PPP2R2C: variants seen among roughly 807,000 people sequenced by gnomAD.
PPP2R2C encodes the protein protein phosphatase 2 regulatory subunit Bgamma, also known as protein phosphatase 2, regulatory subunit B, gamma.
In PPP2R2C, 10 loss-of-function variants were observed where a neutral mutation model predicts 45.3. The ratio of observed to expected loss-of-function variants is 0.22; its 90% CI spans 0.14 to 0.37. The LOEUF (loss-of-function observed/expected upper bound fraction) is 0.37. Among genes scored for constraint, PPP2R2C ranks in the 10% least tolerant of loss-of-function variants. The pLI is 1.00. For missense variants in PPP2R2C, 308 were observed against 619.7 expected (o/e 0.50, Z 5.34); for synonymous variants, 257 against 245.4 (o/e 1.05, Z -0.44).
upstream of PPP2R2C, among the ~76,000 whole-genome samples, chr4:6,473,838 T>C (rs1248377717): frequency 6.6e-6 from 1 of 152,168 alleles, no homozygotes; most frequent in Admixed American, 6.5e-5. Context: ...AAGCTACAGC[T>C]TTCGTGCCTT....
intron 1 of PPP2R2C, among the ~76,000 whole-genome samples, chr4:6,540,286 A>G (rs1179115403): frequency 6.6e-6 from 1 of 152,194 alleles, no homozygotes; most frequent in Non-Finnish European, 1.5e-5. Context: ...TCTGATTATG[A>G]ACATCTCCTA....
At chr4:6,358,535 A>G (rs868321552) in intron 5 of PPP2R2C, among the ~76,000 whole-genome samples, 334 of 147,630 alleles carry the variant, frequency 2.3e-3, no homozygotes, top group African/African-American at 7.6e-3. Flanking sequence ...AAAAAAAAAA[A>G]TGGCCATCAG....
intron 1 of PPP2R2C, among the ~76,000 whole-genome samples, chr4:6,550,069 G>A (rs1725132938): frequency 6.6e-6 from 1 of 152,082 alleles, no homozygotes; most frequent in African/African-American, 2.4e-5. Context: ...CGGGGTAGGG[G>A]GACAGCCAAT....
In PPP2R2C at chr4:6,323,050, A is replaced by C; in HGVS notation, c.*252T>G. On this transcript the variant is annotated 3_prime_UTR_variant, in exon 9 of 9. Coordinates refer to ENST00000382599, the MANE Select transcript of PPP2R2C (RefSeq NM_020416.4). ...AAGACTCCACAGTCATGTCCATTTT[A>C]TGATTTGTGGCGGTGAACGCTTCCT... 1 of 416,214 alleles carries C rather than the reference A, an allele frequency of 2.4e-6. No homozygotes were observed. The highest frequency in any genetic ancestry group is 4.0e-5 in the Admixed American group (1 of 24,786). The allele number at this position is 416,214 out of a possible 1,614,324, so 25.8% of individuals were successfully genotyped here.
chr4:6,547,925 A>T (rs1725046291), intron 1 of PPP2R2C, among the ~76,000 whole-genome samples: 1 of 152,190 alleles, frequency 6.6e-6, no homozygotes, highest in African/African-American at 2.4e-5. Flanking sequence ...TACAAATTAA[A>T]ATCATAATGG....
At chr4:6,503,636 C>G (rs1035254917) in intron 2 of PPP2R2C, among the ~76,000 whole-genome samples, 4 of 151,802 alleles carry the variant, frequency 2.6e-5, no homozygotes, top group African/African-American at 9.7e-5. Flanking sequence ...AGACACTGAC[C>G]CAAGAGAAAA....
Position 6,454,519 on chromosome 4 carries a change from C to T in PPP2R2C, c.70+17641G>A, listed in dbSNP as rs534170277. On this transcript the variant is annotated intron_variant, in intron 1 of 8. Transcript: ENST00000382599. ...CCCCGCCTTCCAACTCTCCCCACCC[C>T]GCAGAAAATGTGTGAGTGAGACCAT... is the stretch of plus-strand genomic sequence containing the variant. 6.6e-5 allele frequency among the ~76,000 whole-genome samples: 10 copies of T among 152,294 alleles called. No homozygotes were observed. The South Asian group carries it at 8.3e-4, about 13-fold the overall frequency.
intron 1 of PPP2R2C, among the ~76,000 whole-genome samples, chr4:6,458,635 A>G (rs4336297): frequency 0.64 from 96,549 of 152,036 alleles, 31,846 homozygotes; most frequent in East Asian, 0.8. Flanking sequence ...GCACAACTAC[A>G]TGCTTTGCTG....
chr4:6,492,203 G>T (rs753064953), intron 2 of PPP2R2C, among the ~76,000 whole-genome samples: 4 of 152,180 alleles, frequency 2.6e-5, no homozygotes, highest in Non-Finnish European at 5.9e-5. Flanking sequence ...TCATGGGGTG[G>T]ACACAGCCAG....
rs58400617 is a variant in PPP2R2C, at chr4:6,559,395, G to GCACACACA, written c.-59+4157_-59+4164dup. ...AATGGCAGTTCTGAAAAAATACACA[G>GCACACACA]CACACACACACACACACACACACAC... On this transcript the variant is annotated intron_variant, in intron 1 of 9. Coordinates refer to the PPP2R2C transcript ENST00000506140. Among the ~76,000 whole-genome samples the GCACACACA allele has an allele frequency of 3.9e-3, 571 of 144,856 alleles. 3 individuals are homozygous for GCACACACA. The highest frequency in any genetic ancestry group is 0.014 in the African/African-American group (534 of 37,784).
chr4:6,347,204 C>T (rs965487956), intron 6 of PPP2R2C, among the ~76,000 whole-genome samples: 4 of 152,182 alleles, frequency 2.6e-5, no homozygotes, highest in East Asian at 1.9e-4. Flanking sequence ...TGTGAAGATT[C>T]GATGAGTTCA....
intron 1 of PPP2R2C, among the ~76,000 whole-genome samples, chr4:6,430,078 C>T (rs1719535195): frequency 6.6e-6 from 1 of 152,162 alleles, no homozygotes; most frequent in East Asian, 1.9e-4. Flanking sequence ...CATAAGTGGG[C>T]CACGATCAAG....
At chr4:6,363,880 G>T (rs1009620574) in intron 5 of PPP2R2C, among the ~76,000 whole-genome samples, 1 of 152,230 alleles carries the variant, frequency 6.6e-6, no homozygotes, top group African/African-American at 2.4e-5. Flanking sequence ...AGGGGACCAC[G>T]TGGCAGGTCC....
chr4:6,385,509 G>C (rs1252849094), intron 1 of PPP2R2C, among the ~76,000 whole-genome samples: 2 of 152,006 alleles, frequency 1.3e-5, no homozygotes, highest in African/African-American at 4.8e-5. Flanking sequence ...AGCCTTCCTG[G>C]ATAGTCCCCT....
chr4:6,558,815 A>G (rs866077834), intron 1 of PPP2R2C, among the ~76,000 whole-genome samples: 90 of 152,282 alleles, frequency 5.9e-4, no homozygotes, highest in African/African-American at 1.9e-3. Flanking sequence ...AAGGATTTCC[A>G]CAGTGTCTCC....
chr4:6,473,775 CG>C (rs1332918516), upstream of PPP2R2C, among the ~76,000 whole-genome samples: 8 of 152,150 alleles, frequency 5.3e-5, no homozygotes, highest in African/African-American at 1.4e-4. Flanking sequence ...GTGGGAAAGA[CG>C]AGGGAAGGTG....
At position 6,322,720 on chromosome 4, in the gene PPP2R2C, A is replaced by T. The variant is rs1379092262; in HGVS notation, c.*582T>A. ...CTAGGAGAGGAGCTTGCATCTGCAA[A>T]TTCTCAGCATGAATTCACCATCCAA... On this transcript the variant is annotated 3_prime_UTR_variant, in exon 9 of 9. Transcript: ENST00000382599. This position sits in a 1 kb window ranked among gnomAD's most constrained non-coding sequence, Gnocchi z 7.8. The T allele has an allele frequency of 2.0e-5, 3 of 152,270 alleles. No individual in the cohort carries two copies. The highest frequency in any genetic ancestry group is 4.4e-5 in the Non-Finnish European group (3 of 68,076). The allele number at this position is 152,270 out of a possible 1,614,324, so 9.4% of individuals were successfully genotyped here.
At chr4:6,512,090 T>G (rs1177442929) in intron 2 of PPP2R2C, among the ~76,000 whole-genome samples, 1 of 50,628 alleles carries the variant, frequency 2.0e-5, no homozygotes, top group Non-Finnish European at 3.7e-5. Flanking sequence ...CTGATGGTGG[T>G]GGTGGTGGTG....
At chr4:6,520,712 G>T (rs1723991828) in intron 2 of PPP2R2C, among the ~76,000 whole-genome samples, 2 of 152,238 alleles carry the variant, frequency 1.3e-5, no homozygotes, top group Non-Finnish European at 2.9e-5. Context: ...GGACAGGAGA[G>T]CACTGAGCTT....
Sources: allele counts gnomAD v4.1 joint callset (sites outside exome capture counted in the v4.1 genomes callset), GRCh38; gene constraint gnomAD v4.1.1; non-coding constraint Gnocchi (gnomAD v3.1); transcripts MANE v1.5; gene names NCBI Gene and HGNC (gene_info 2026-07-23, HGNC 2026-07-21).